Variants in RBFOX1 observed in about 807,000 individuals in gnomAD.
The protein encoded by RBFOX1 is RNA binding fox-1 homolog 1, also known as RNA binding protein fox-1 homolog 1.
Under a neutral mutation model 57.7 loss-of-function variants are expected in RBFOX1, and 8 were observed. The ratio of observed to expected loss-of-function variants is 0.14; its 90% CI spans 0.08 to 0.25. The LOEUF (loss-of-function observed/expected upper bound fraction) is 0.25, where lower values mean the gene tolerates loss of function less well. RBFOX1 is among the 10% of genes least tolerant of loss of function. RBFOX1 has a pLI of 1.00. For missense variants in RBFOX1, 611 were observed against 548.5 expected, an observed-to-expected ratio of 1.11 and a Z score of -1.14; for synonymous variants, 326 against 222.4, an observed-to-expected ratio of 1.47 and a Z score of -4.15.
chr16:5,996,788 C>G (rs141088921), intron 4 of RBFOX1, among the ~76,000 whole-genome samples: 1 of 152,178 alleles, frequency 6.6e-6, no homozygotes, highest in Non-Finnish European at 1.5e-5. Context: ...CAATGTCACC[C>G]TCTTTCCTTT....
At chr16:7,689,644 G>C (rs1470022592) in intron 14 of RBFOX1, among the ~76,000 whole-genome samples, 1 of 152,080 alleles carries the variant, frequency 6.6e-6, no homozygotes, top group Non-Finnish European at 1.5e-5. Context: ...TTTTGGAGTG[G>C]AAGAGAGGTA....
intron 2 of RBFOX1, among the ~76,000 whole-genome samples, chr16:6,545,434 A>C (rs1361962613): frequency 6.6e-6 from 1 of 151,942 alleles, no homozygotes; most frequent in Non-Finnish European, 1.5e-5. Context: ...TAGGGCTTTC[A>C]ACACCCTGTC....
intron 5 of RBFOX1, among the ~76,000 whole-genome samples, chr16:7,526,183 A>T (rs2078666763): frequency 6.6e-6 from 1 of 152,168 alleles, no homozygotes; most frequent in African/African-American, 2.4e-5. Flanking sequence ...TCTGAGGTGC[A>T]ACCATTTCAT....
At chr16:5,467,191 T>C (rs1181686477) in intron 1 of RBFOX1, 2 of 1,464,028 alleles carry the variant, frequency 1.4e-6, no homozygotes, top group East Asian at 2.5e-5. Context: ...TCTCTCTCTC[T>C]CTCTCTTTTT....
intron 1 of RBFOX1, among the ~76,000 whole-genome samples, chr16:5,462,683 G>A (rs866571377): frequency 6.6e-6 from 1 of 152,188 alleles, no homozygotes; most frequent in South Asian, 2.1e-4. Flanking sequence ...CCATGGCATG[G>A]AATTCTACGC....
chr16:5,240,979 A>T (rs1044329589), intron 1 of RBFOX1, among the ~76,000 whole-genome samples: 1 of 152,290 alleles, frequency 6.6e-6, no homozygotes, highest in South Asian at 2.1e-4. Context: ...TTTGATGGAT[A>T]ATGGGGTTGA....
At chr16:6,956,507 TA>T (rs2081878952) in intron 3 of RBFOX1, among the ~76,000 whole-genome samples, 1 of 152,032 alleles carries the variant, frequency 6.6e-6, no homozygotes, top group African/African-American at 2.4e-5. Context: ...AATTTCAGAG[TA>T]AACCTGGAGT....
intron 4 of RBFOX1, among the ~76,000 whole-genome samples, chr16:7,069,912 G>T (rs1188661333): frequency 1.3e-5 from 2 of 152,148 alleles, no homozygotes. Context: ...TGCTTTCAGG[G>T]AAACGGAAAC....
intron 3 of RBFOX1, among the ~76,000 whole-genome samples, chr16:6,684,747 C>T (rs896263302): frequency 2.6e-5 from 4 of 152,242 alleles, no homozygotes; most frequent in South Asian, 4.2e-4. Context: ...CGTGAATGAC[C>T]GTTAACTGGT....
At chr16:5,279,790 C>G (rs2063227733) in intron 1 of RBFOX1, among the ~76,000 whole-genome samples, 1 of 152,224 alleles carries the variant, frequency 6.6e-6, no homozygotes, top group Non-Finnish European at 1.5e-5. Context: ...GCATGAGCCA[C>G]CTTGCGCAGC....
intron 4 of RBFOX1, among the ~76,000 whole-genome samples, chr16:7,448,927 G>GGTTTTTT (rs780860697): frequency 1.2e-5 from 1 of 82,964 alleles, no homozygotes; most frequent in African/African-American, 4.6e-5. Flanking sequence ...TCTTTCCCCT[G>GGTTTTTT]TTTTTTTTTT....
intron 4 of RBFOX1, among the ~76,000 whole-genome samples, chr16:5,910,901 C>T (rs575805805): frequency 6.6e-6 from 1 of 152,318 alleles, no homozygotes; most frequent in East Asian, 1.9e-4. Flanking sequence ...CCACATCCCT[C>T]ATCCTCTGGA....
intron 1 of RBFOX1, among the ~76,000 whole-genome samples, chr16:5,264,458 A>C (rs760065584): frequency 6.6e-6 from 1 of 152,224 alleles, no homozygotes; most frequent in Admixed American, 6.5e-5. Flanking sequence ...TCATGGGTCA[A>C]GGATAAAATA....
chr16:7,458,494 A>T (rs2058963470), intron 4 of RBFOX1, among the ~76,000 whole-genome samples: 1 of 152,128 alleles, frequency 6.6e-6, no homozygotes, highest in East Asian at 1.9e-4. Flanking sequence ...CTGTTTTTTA[A>T]AATTTTATTT....
intron 1 of RBFOX1, among the ~76,000 whole-genome samples, chr16:5,303,708 C>T (rs867498376): frequency 7.2e-5 from 11 of 151,756 alleles, no homozygotes; most frequent in African/African-American, 2.7e-4. Context: ...CTCCATTCCT[C>T]TTCATTTTTT....
intron 2 of RBFOX1, among the ~76,000 whole-genome samples, chr16:6,402,581 C>T (rs2093118444): frequency 6.6e-6 from 1 of 152,108 alleles, no homozygotes; most frequent in Non-Finnish European, 1.5e-5. Context: ...TCAGTTTGTC[C>T]TTGACCTATA....
chr16:6,960,002 A>G (rs1288447509), intron 3 of RBFOX1, among the ~76,000 whole-genome samples: 1 of 152,160 alleles, frequency 6.6e-6, no homozygotes, highest in Non-Finnish European at 1.5e-5. Flanking sequence ...AAATGTAACA[A>G]AAACCCCCCA....
intron 9 of RBFOX1, among the ~76,000 whole-genome samples, chr16:7,598,281 T>G (rs948937440): frequency 3.9e-5 from 6 of 152,062 alleles, no homozygotes; most frequent in African/African-American, 1.5e-4. Context: ...AAGGGTCTCA[T>G]AATTAAAAAA....
chr16:5,856,575 G>GTGTATATATATATGTATATATATA (rs1192496608), intron 3 of RBFOX1, among the ~76,000 whole-genome samples: 2 of 32,920 alleles, frequency 6.1e-5, no homozygotes, highest in Non-Finnish European at 1.1e-4. Context: ...GTGTGTGTGT[G>GTGTATATATATATGTATATATATA]TATATATATA....
Sources: gnomAD v4.1 joint callset for allele counts (sites outside exome capture counted in the v4.1 genomes callset) on GRCh38, gnomAD v4.1.1 for gene constraint, MANE v1.5 for transcripts, NCBI Gene and HGNC (gene_info 2026-07-23, HGNC 2026-07-21) for gene names.